The following DLGAP2 variants were observed in gnomAD, a reference collection of about 807,000 sequenced individuals.
DLGAP2 encodes the protein DLG associated protein 2, also known as disks large-associated protein 2.
In DLGAP2, 26 loss-of-function variants were observed where a neutral mutation model predicts 100.3. The observed-to-expected ratio is 0.26, with a 90% CI of 0.19 to 0.36. The LOEUF (loss-of-function observed/expected upper bound fraction) is 0.36, where lower values mean the gene tolerates loss of function less well. Among genes scored for constraint, DLGAP2 ranks in the 10% least tolerant of loss-of-function variants. DLGAP2 has a pLI of 1.00. For missense variants in DLGAP2, 1,858 were observed against 1,453.2 expected, an observed-to-expected ratio of 1.28 and a Z score of -4.53; for synonymous variants, 886 against 630.1, an observed-to-expected ratio of 1.41 and a Z score of -6.08.
At chr8:1,546,044 G>T (rs369386663) in intron 4 of DLGAP2, among the ~76,000 whole-genome samples, 1 of 152,336 alleles carries the variant, frequency 6.6e-6, no homozygotes, top group South Asian at 2.1e-4. Flanking sequence ...CTATTTAGCA[G>T]TTGAATATTG....
At position 1,549,250 on chromosome 8, in the gene DLGAP2, ACCACCACGC is replaced by A. The variant is rs748478539; in HGVS notation, c.808_816del (p.His270_Ala272del). The A allele has an allele frequency of 3.1e-6, 5 of 1,609,792 alleles. No individual in the cohort carries two copies. Among genetic ancestry groups the A allele is most frequent in the Admixed American group, 1.7e-5 (1 of 59,518 alleles). ...AAGGCGGACGGCCGGGCGGACGACC[ACCACCACGC>A]CCACCACGCCAAGCACAGCAAGAGG... On this transcript the variant is annotated inframe_deletion, in exon 5 of 15. Transcript: ENST00000637795.
intron 2 of DLGAP2, among the ~76,000 whole-genome samples, chr8:1,005,709 C>T (rs113563271): frequency 0.012 from 1,763 of 152,114 alleles, 36 homozygotes; most frequent in African/African-American, 0.039. Context: ...CATGAGCCAC[C>T]GCTCCTAGCC....
At chr8:933,291 C>T (rs1799000079) in intron 2 of DLGAP2, among the ~76,000 whole-genome samples, 1 of 152,284 alleles carries the variant, frequency 6.6e-6, no homozygotes, top group African/African-American at 2.4e-5. Flanking sequence ...AAATGACGGC[C>T]CTGGCCATGG....
In DLGAP2 at chr8:1,241,170, C is replaced by T. The variant is rs538922126; in HGVS notation, c.74-17681C>T. Among the ~76,000 whole-genome samples the T allele has an allele frequency of 5.6e-4, 79 of 141,156 alleles. 14 individuals are homozygous for T. The highest frequency in any genetic ancestry group is 1.4e-3 in the African/African-American group (51 of 37,466). 92.6% of individuals were successfully genotyped at this position (141,156 alleles called of 152,430 possible). ...CGTGGTGCCATGTCTAGTTCTCTCACGTGGCGCCGTGTCTCGTTCTCTCAC... is the reference window on the plus strand; with the variant it reads ...CGTGGTGCCATGTCTAGTTCTCTCATGTGGCGCCGTGTCTCGTTCTCTCAC... On this transcript the variant is annotated intron_variant, in intron 2 of 14. Coordinates refer to ENST00000637795, the MANE Select transcript of DLGAP2 (RefSeq NM_001346810.2).
chr8:1,179,067 C>A (rs189525602), intron 2 of DLGAP2, among the ~76,000 whole-genome samples: 1 of 152,266 alleles, frequency 6.6e-6, no homozygotes, highest in East Asian at 1.9e-4. Context: ...CATGTGCACA[C>A]TTAAACAGGC....
chr8:1,255,094 T>C (rs1799160104), intron 2 of DLGAP2, among the ~76,000 whole-genome samples: 1 of 133,944 alleles, frequency 7.5e-6, no homozygotes, highest in Non-Finnish European at 1.6e-5. Flanking sequence ...TGTCCTCTCA[T>C]CCTGCCTGGG....
At chr8:1,511,152 G>C (rs1584970100) in intron 4 of DLGAP2, among the ~76,000 whole-genome samples, 1 of 151,628 alleles carries the variant, frequency 6.6e-6, no homozygotes, top group African/African-American at 2.4e-5. Flanking sequence ...ATGGATGTAA[G>C]GGCTGTCTAG....
In DLGAP2 at chr8:1,701,472, G is replaced by A. The variant is rs1799568716; in HGVS notation, c.*66G>A. Reference sequence around the variant, plus strand: ...CCGGACGCTTGTGCAGCGCGGCGCCGCCCTGGTGGTTTCTGTCTCCTCCTC... The same window carrying A: ...CCGGACGCTTGTGCAGCGCGGCGCCACCCTGGTGGTTTCTGTCTCCTCCTC... On this transcript the variant is annotated 3_prime_UTR_variant, in exon 15 of 15. Transcript: ENST00000637795. 1.2e-5 allele frequency: 18 copies of A among 1,472,030 alleles called. No individual in the cohort carries two copies. The highest frequency in any genetic ancestry group is 1.5e-5 in the Non-Finnish European group (16 of 1,098,524). The allele number at this position is 1,472,030 out of a possible 1,614,324, so 91.2% of individuals were successfully genotyped here.
At chr8:1,301,424 G>C (rs1313188933) in intron 3 of DLGAP2, 2 of 151,478 alleles carry the variant, frequency 1.3e-5, no homozygotes, top group African/African-American at 4.9e-5. Context: ...TTGAGATTTA[G>C]AACACTCTCC....
intron 2 of DLGAP2, among the ~76,000 whole-genome samples, chr8:925,348 T>TA (rs1798791289): frequency 6.6e-6 from 1 of 152,168 alleles, no homozygotes; most frequent in Admixed American, 6.5e-5. Flanking sequence ...TCTTGAATTC[T>TA]AGGGCTTAAG....
chr8:1,081,137 C>T (rs892609174), intron 2 of DLGAP2, among the ~76,000 whole-genome samples: 2 of 152,032 alleles, frequency 1.3e-5, no homozygotes, highest in African/African-American at 2.4e-5. Context: ...AACGTGCCAC[C>T]TTTCTTACTG....
chr8:863,443 C>G (rs1418473866), intron 1 of DLGAP2, among the ~76,000 whole-genome samples: 2 of 152,212 alleles, frequency 1.3e-5, no homozygotes, highest in Non-Finnish European at 2.9e-5. Flanking sequence ...TAAACAGATA[C>G]AGCACCTTGT....
chr8:1,323,998 T>C (rs183834494), intron 3 of DLGAP2, among the ~76,000 whole-genome samples: 1 of 152,204 alleles, frequency 6.6e-6, no homozygotes, highest in African/African-American at 2.4e-5. Flanking sequence ...AGTTGCTGTT[T>C]CTTTACACCA....
Position 1,625,772 on chromosome 8 carries a change from C to A in DLGAP2, c.1443-968C>A, listed in dbSNP as rs189772896. The stretch of plus-strand genomic sequence containing the variant: ...AATGACCCAAATTTCACTACCTGGC[C>A]ATAAAATCTCAGGTTTCAAAGGCAA... On this transcript the variant is annotated intron_variant, in intron 6 of 14. Transcript: ENST00000637795. Among the ~76,000 whole-genome samples, 190 of 152,362 alleles carry A rather than the reference C, an allele frequency of 1.2e-3. 2 individuals carry two copies. The highest frequency in any genetic ancestry group is 4.4e-3 in the African/African-American group (182 of 41,578).
chr8:1,000,716 T>C (rs2129017981), intron 2 of DLGAP2, among the ~76,000 whole-genome samples: 1 of 152,326 alleles, frequency 6.6e-6, no homozygotes, highest in African/African-American at 2.4e-5. Context: ...CAAGGTATTT[T>C]TGTAGCCTTG....
At chr8:1,164,090 C>T (rs1796946093) in intron 2 of DLGAP2, among the ~76,000 whole-genome samples, 1 of 73,818 alleles carries the variant, frequency 1.4e-5, no homozygotes, top group Non-Finnish European at 2.6e-5. Flanking sequence ...CTTCCCTGTG[C>T]TGGGGACAGA....
chr8:1,606,652 G>C (rs1400296448), intron 6 of DLGAP2, among the ~76,000 whole-genome samples: 1 of 152,088 alleles, frequency 6.6e-6, no homozygotes, highest in Non-Finnish European at 1.5e-5. Context: ...TTTCCTTTTG[G>C]AGGCTATTAT....
chr8:812,011 G>A (rs1313910777), intron 1 of DLGAP2, among the ~76,000 whole-genome samples: 1 of 152,248 alleles, frequency 6.6e-6, no homozygotes, highest in African/African-American at 2.4e-5. Flanking sequence ...GGGTGGTGAG[G>A]CTTCCGGACT....
chr8:1,081,532 A>G (rs1231756642), intron 2 of DLGAP2, among the ~76,000 whole-genome samples: 2 of 152,120 alleles, frequency 1.3e-5, no homozygotes, highest in Non-Finnish European at 2.9e-5. Context: ...TTGTACTTGC[A>G]GTAGAGACAG....
Sources: allele counts gnomAD v4.1 joint callset (sites outside exome capture counted in the v4.1 genomes callset), GRCh38; gene constraint gnomAD v4.1.1; transcripts MANE v1.5; gene names NCBI Gene and HGNC (gene_info 2026-07-23, HGNC 2026-07-21).